Variants in SNAP25 observed in about 807,000 individuals in gnomAD.
SNAP25 encodes the protein synaptosome associated protein 25, also known as synaptosomal-associated protein 25.
SNAP25 carries 3 observed loss-of-function variants against 28.7 expected under a neutral mutation model. The ratio of observed to expected loss-of-function variants is 0.10; its 90% confidence interval spans 0.05 to 0.27. The LOEUF (loss-of-function observed/expected upper bound fraction) is 0.27. Ranked by LOEUF, SNAP25 falls within the 10% of genes least tolerant of loss-of-function variation. The pLI, the probability that SNAP25 is intolerant of heterozygous loss-of-function variation, is 1.00. For synonymous variants in SNAP25, 61 were observed against 88.1 expected, an observed-to-expected ratio of 0.69 and a Z score of 1.72; for missense variants, 117 against 278.7, an observed-to-expected ratio of 0.42 and a Z score of 4.13.
At chr20:10,238,156 G>A (rs114428038) in intron 1 of SNAP25, among the ~76,000 whole-genome samples, 1 of 152,214 alleles carries the variant, frequency 6.6e-6, no homozygotes, top group African/African-American at 2.4e-5. Flanking sequence ...ACCCACCCAT[G>A]ATCTGGTCTC....
intron 1 of SNAP25, among the ~76,000 whole-genome samples, chr20:10,254,943 A>G (rs1029760812): frequency 6.6e-6 from 1 of 152,130 alleles, no homozygotes; most frequent in African/African-American, 2.4e-5. Flanking sequence ...TCTATAGAAA[A>G]GGGTCTGTGC....
At chr20:10,249,744 G>A (rs1157138551) in intron 1 of SNAP25, among the ~76,000 whole-genome samples, 1 of 152,134 alleles carries the variant, frequency 6.6e-6, no homozygotes, top group Non-Finnish European at 1.5e-5. Flanking sequence ...TGGAGCCCAG[G>A]AATCTGTGTT....
intron 1 of SNAP25, among the ~76,000 whole-genome samples, chr20:10,272,223 A>C (rs1255571851): frequency 1.3e-5 from 2 of 152,192 alleles, no homozygotes; most frequent in Admixed American, 6.5e-5. Flanking sequence ...TTTTTACAAA[A>C]AATGTTGGCC....
intron 7 of SNAP25, among the ~76,000 whole-genome samples, chr20:10,304,159 A>C (rs186026295): frequency 3.3e-5 from 5 of 152,240 alleles, no homozygotes; most frequent in Admixed American, 3.3e-4. Flanking sequence ...TAGCATTCAG[A>C]CTCTGGTTTC....
At chr20:10,256,749 A>T (rs2063325175) in intron 1 of SNAP25, among the ~76,000 whole-genome samples, 5 of 152,204 alleles carry the variant, frequency 3.3e-5, no homozygotes, top group Admixed American at 3.3e-4. Flanking sequence ...ATGGAAAGGA[A>T]AGGAAAGGCT....
chr20:10,223,012 CTG>C (rs1436313541), intron 1 of SNAP25, among the ~76,000 whole-genome samples: 2 of 152,160 alleles, frequency 1.3e-5, no homozygotes, highest in African/African-American at 2.4e-5. Flanking sequence ...CTCTTGCCCT[CTG>C]TGAATATTCA....
chr20:10,300,478 G>A (rs918438196), intron 7 of SNAP25, among the ~76,000 whole-genome samples: 4 of 152,000 alleles, frequency 2.6e-5, no homozygotes, highest in Non-Finnish European at 5.9e-5. Context: ...TTATTCCCTG[G>A]GAGACGTTGA....
chr20:10,304,079 T>C (rs544913562), intron 7 of SNAP25, among the ~76,000 whole-genome samples: 3 of 152,210 alleles, frequency 2.0e-5, no homozygotes, highest in Non-Finnish European at 4.4e-5. Context: ...ACATTATGTG[T>C]ATAAACTCAT....
chr20:10,236,763 G>C (rs886066758), intron 1 of SNAP25, among the ~76,000 whole-genome samples: 4 of 152,006 alleles, frequency 2.6e-5, no homozygotes, highest in African/African-American at 9.7e-5. Context: ...AGCGATTCCA[G>C]GGATTAGCAG....
rs186725507 is a variant in SNAP25, at chr20:10,256,865, T to C, written c.-63-18564T>C. 3.3e-5 allele frequency among the ~76,000 whole-genome samples: 5 copies of C among 152,334 alleles called. No individual in the cohort carries two copies. The East Asian group carries it at 7.7e-4, about 23-fold the overall frequency. ...TATGTGAGGGAACATCATGCAGTCA[T>C]TAAAAATGTCATTTGAGCAATGTCT... On this transcript the variant is annotated intron_variant, in intron 1 of 7. Transcript: ENST00000254976.
intron 1 of SNAP25, among the ~76,000 whole-genome samples, chr20:10,220,328 C>T (rs2062606401): frequency 2.0e-5 from 3 of 152,196 alleles, no homozygotes; most frequent in South Asian, 2.1e-4. Context: ...ATAGATTTAA[C>T]CTCTTTGGCC....
chr20:10,264,397 G>A (rs944538411), intron 1 of SNAP25, among the ~76,000 whole-genome samples: 2 of 152,178 alleles, frequency 1.3e-5, no homozygotes, highest in Non-Finnish European at 2.9e-5. Context: ...AAAGGAATTG[G>A]GCTTTAATGC....
chr20:10,234,239 A>T (rs574347730), intron 1 of SNAP25, among the ~76,000 whole-genome samples: 3 of 152,132 alleles, frequency 2.0e-5, no homozygotes, highest in Admixed American at 6.5e-5. Context: ...TACAGAAACC[A>T]CAGCCATTTT....
chr20:10,303,944 T>C (rs987547604), intron 7 of SNAP25, among the ~76,000 whole-genome samples: 1 of 152,164 alleles, frequency 6.6e-6, no homozygotes, highest in African/African-American at 2.4e-5. Context: ...CTCATAGAAA[T>C]GAATCTTCAG....
At chr20:10,225,998 A>G (rs2062728984) in intron 1 of SNAP25, among the ~76,000 whole-genome samples, 1 of 152,194 alleles carries the variant, frequency 6.6e-6, no homozygotes, top group Non-Finnish European at 1.5e-5. Context: ...AAATCCTGCA[A>G]GTTGGACAGA....
intron 1 of SNAP25, among the ~76,000 whole-genome samples, chr20:10,233,638 C>A (rs1040831481): frequency 6.6e-6 from 1 of 152,164 alleles, no homozygotes; most frequent in African/African-American, 2.4e-5. Context: ...GAGAACTAGA[C>A]CCTCTTCTGC....
In SNAP25 at chr20:10,284,593, C is replaced by T. The variant is rs2063839704; in HGVS notation, c.115-131C>T. On this transcript the variant is annotated intron_variant, in intron 3 of 7. Transcript: ENST00000254976. Reference sequence around the variant, plus strand: ...ATAACCCCTCAGGGCTCTTGTCATACTTTCTCCCTTTTTTCTTTTGGTCCT... The same window carrying T: ...ATAACCCCTCAGGGCTCTTGTCATATTTTCTCCCTTTTTTCTTTTGGTCCT... 3 of 732,786 alleles carry T rather than the reference C, an allele frequency of 4.1e-6. No individual in the cohort carries two copies. The South Asian group carries it at 4.5e-5, about 11-fold the overall frequency. The allele number at this position is 732,786 out of a possible 1,614,324, so 45.4% of individuals were successfully genotyped here. A position where few individuals can be genotyped will look rare whatever the true frequency, so the allele number is the denominator to read the frequency against.
chr20:10,239,223 T>C (rs919317152), intron 1 of SNAP25, among the ~76,000 whole-genome samples: 2 of 152,216 alleles, frequency 1.3e-5, no homozygotes, highest in Non-Finnish European at 2.9e-5. Flanking sequence ...CCATCTTAGA[T>C]TCCAACTCCA....
intron 1 of SNAP25, among the ~76,000 whole-genome samples, chr20:10,234,534 G>A (rs2062883784): frequency 1.3e-5 from 2 of 152,124 alleles, no homozygotes; most frequent in African/African-American, 2.4e-5. Context: ...TATGCCCAAG[G>A]CATAATTTTC....
Sources: gnomAD v4.1 joint callset for allele counts (sites outside exome capture counted in the v4.1 genomes callset) on GRCh38, gnomAD v4.1.1 for gene constraint, MANE v1.5 for transcripts, NCBI Gene and HGNC (gene_info 2026-07-23, HGNC 2026-07-21) for gene names.